The following DOCK1 variants were observed in gnomAD, a reference collection of about 807,000 sequenced individuals.
The protein encoded by DOCK1 is dedicator of cytokinesis protein 1.
In DOCK1, 138 loss-of-function variants were observed where a neutral mutation model predicts 262.7. That is an observed-to-expected ratio of 0.53 (90% CI 0.46 to 0.61). The LOEUF is 0.61. Among genes scored for constraint, DOCK1 ranks in the 20% least tolerant of loss-of-function variants. The probability of loss-of-function intolerance (pLI) is 0.00; values close to 1 mark genes in which losing one functional copy is unlikely to be tolerated. For synonymous variants in DOCK1, 866 were observed against 867.4 expected, an observed-to-expected ratio of 1.00 and a Z score of 0.03; for missense variants, 1,908 against 2,370.7, an observed-to-expected ratio of 0.80 and a Z score of 4.05.
chr10:127,211,143 C>G (rs1267340450), intron 27 of DOCK1, among the ~76,000 whole-genome samples: 1 of 152,130 alleles, frequency 6.6e-6, no homozygotes, highest in Non-Finnish European at 1.5e-5. Flanking sequence ...ACAATTGTGT[C>G]TGTGATCCTT....
intron 18 of DOCK1, among the ~76,000 whole-genome samples, chr10:127,037,195 G>C (rs2043694044): frequency 6.6e-6 from 1 of 152,120 alleles, no homozygotes; most frequent in African/African-American, 2.4e-5. Context: ...CAGTGCAGGC[G>C]TGAACCTCAG....
rs1444589334 is a variant in DOCK1, at chr10:127,125,605, A to G, written c.2751+4A>G. ...GGTGCTGTACAGGAAGGACGTGGTG[A>G]GTGTTGGCTCTGTGCGTGACGTCCT... On this transcript the variant is annotated splice_donor_region_variant and intron_variant, in intron 26 of 51. Coordinates refer to ENST00000623213, the MANE Select transcript of DOCK1 (RefSeq NM_001290223.2). 6.8e-6 allele frequency: 11 copies of G among 1,613,080 alleles called. No homozygotes were observed. In the African/African-American group the frequency reaches 1.2e-4, roughly 18 times the overall value.
At position 127,176,284 on chromosome 10, in the gene DOCK1, T is replaced by A; in HGVS notation, c.2847+48520T>A. On this transcript the variant is annotated intron_variant, in intron 27 of 51. Transcript: ENST00000623213. This position sits in a 1 kb window ranked among gnomAD's most constrained non-coding sequence, Gnocchi z 4.4. ...TGCAGGGCTTTGTTCCGTTTTTTAA[T>A]CTGCCGGTTGGGGTCCAGGGCGTAT... 1 of 1,614,152 alleles carries A rather than the reference T, an allele frequency of 6.2e-7. No homozygotes were observed. Among genetic ancestry groups the A allele is most frequent in the Non-Finnish European group, 8.5e-7 (1 of 1,180,040 alleles).
intron 29 of DOCK1, among the ~76,000 whole-genome samples, chr10:127,261,068 G>GGTGT (rs1045852494): frequency 9.5e-6 from 1 of 105,266 alleles, no homozygotes; most frequent in African/African-American, 3.9e-5. Flanking sequence ...TGTGCATGTG[G>GGTGT]GTGTGTGTGT....
chr10:127,052,608 A>AT, intron 21 of DOCK1, 73 bp from the exon 22 acceptor site: 1 of 1,602,552 alleles, frequency 6.2e-7, no homozygotes, highest in Non-Finnish European at 8.5e-7. Flanking sequence ...CTACTTGTAT[A>AT]TTTCCTTAGC....
intron 25 of DOCK1, among the ~76,000 whole-genome samples, chr10:127,120,195 C>A (rs765822055): frequency 8.5e-5 from 13 of 152,180 alleles, no homozygotes; most frequent in Non-Finnish European, 1.5e-4. Context: ...CACTGACAAG[C>A]ACTGGCGGTC....
chr10:127,285,860 C>T (rs1464370619), intron 29 of DOCK1, among the ~76,000 whole-genome samples: 1 of 152,164 alleles, frequency 6.6e-6, no homozygotes, highest in Non-Finnish European at 1.5e-5. Flanking sequence ...CCTGAAAGAC[C>T]TCTATCTGGG....
At chr10:127,214,248 C>T (rs1475881558) in intron 27 of DOCK1, among the ~76,000 whole-genome samples, 1 of 152,152 alleles carries the variant, frequency 6.6e-6, no homozygotes, top group African/African-American at 2.4e-5. Context: ...ATGCTTCCCG[C>T]TCCAGTCCCT....
chr10:127,227,925 A>T (rs11016841), intron 27 of DOCK1, among the ~76,000 whole-genome samples: 1 of 152,178 alleles, frequency 6.6e-6, no homozygotes, highest in Non-Finnish European at 1.5e-5. Flanking sequence ...ATAAATTCTC[A>T]GTGATCCCAT....
chr10:127,362,836 T>TACACATGCACGTCCCCAC (rs1246925585), intron 33 of DOCK1, among the ~76,000 whole-genome samples: 1 of 6,610 alleles, frequency 1.5e-4, no homozygotes, highest in Admixed American at 1.8e-3. Flanking sequence ...CACCCACACA[T>TACACATGCACGTCCCCAC]ACACACACAC....
At chr10:127,232,845 TG>T (rs2058901521) in intron 27 of DOCK1, among the ~76,000 whole-genome samples, 1 of 152,238 alleles carries the variant, frequency 6.6e-6, no homozygotes, top group African/African-American at 2.4e-5. Flanking sequence ...GTTGTGATTC[TG>T]GAAAGTAAAA....
At chr10:127,371,190 T>C (rs571346020) in intron 33 of DOCK1, among the ~76,000 whole-genome samples, 1 of 152,312 alleles carries the variant, frequency 6.6e-6, no homozygotes, top group South Asian at 2.1e-4. Context: ...TCAATTCGAG[T>C]GTATTCTATA....
Position 127,346,194 on chromosome 10 carries a change from C to T in DOCK1, c.3224+2448C>T, listed in dbSNP as rs2063626666. ...TGGAAATCTGCCTCAAAAGAGCTGG[C>T]ATCTTCTTAGTGGTGGGGCCGAGCA... On this transcript the variant is annotated intron_variant, in intron 31 of 51. Coordinates refer to ENST00000623213, the MANE Select transcript of DOCK1 (RefSeq NM_001290223.2). Among the ~76,000 whole-genome samples the T allele has an allele frequency of 1.3e-5, 2 of 152,230 alleles. 1 individual carries two copies. The highest frequency in any genetic ancestry group is 4.1e-4 in the South Asian group (2 of 4,834).
chr10:127,300,974 GC>G (rs2061659963), intron 29 of DOCK1, among the ~76,000 whole-genome samples: 1 of 152,212 alleles, frequency 6.6e-6, no homozygotes, highest in Non-Finnish European at 1.5e-5. Flanking sequence ...ACAGATACCA[GC>G]TTTTCCTAAC....
chr10:127,127,776 G>A lies in DOCK1; in HGVS notation c.2847+12G>A. The A allele has an allele frequency of 3.1e-6, 5 of 1,605,576 alleles. No individual in the cohort carries two copies. The highest frequency in any genetic ancestry group is 4.3e-6 in the Non-Finnish European group (5 of 1,173,340). On this transcript the variant is annotated intron_variant, in intron 27 of 51. Transcript: ENST00000623213. ...ATTCTGAACTCATTGTAAGTGCTTG[G>A]TGACATATGTTTGGATATTTAACTG...
chr10:127,291,543 G>T (rs975488208), intron 29 of DOCK1, among the ~76,000 whole-genome samples: 1 of 152,160 alleles, frequency 6.6e-6, no homozygotes, highest in African/African-American at 2.4e-5. Context: ...CGCCAGCTTT[G>T]GGGTAATTGT....
intron 11 of DOCK1, among the ~76,000 whole-genome samples, chr10:127,010,913 G>T (rs961326011): frequency 6.6e-6 from 1 of 152,134 alleles, no homozygotes; most frequent in Non-Finnish European, 1.5e-5. Flanking sequence ...TTGCCTGCTA[G>T]TGTCCTCTGT....
At chr10:127,418,676 G>A in intron 45 of DOCK1, 135 bp downstream of exon 45, 1 of 1,177,394 alleles carries the variant, frequency 8.5e-7, no homozygotes, top group Non-Finnish European at 1.1e-6. Context: ...CCAAGGCCAG[G>A]CAGCAGCAGC....
At chr10:127,274,868 G>A (rs1240456003) in intron 29 of DOCK1, among the ~76,000 whole-genome samples, 2 of 152,130 alleles carry the variant, frequency 1.3e-5, no homozygotes, top group Non-Finnish European at 2.9e-5. Flanking sequence ...AATTTGTGGG[G>A]TAGGGTGTGC....
Sources: allele counts gnomAD v4.1 joint callset (sites outside exome capture counted in the v4.1 genomes callset), GRCh38; gene constraint gnomAD v4.1.1; non-coding constraint Gnocchi (gnomAD v3.1); transcripts MANE v1.5; gene names NCBI Gene and HGNC (gene_info 2026-07-23, HGNC 2026-07-21).